Variants in GPR155 observed in about 807,000 individuals in gnomAD.
GPR155 encodes G protein-coupled receptor 155.
Under a neutral mutation model 93.1 loss-of-function variants are expected in GPR155, and 65 were observed. The ratio of observed to expected loss-of-function variants is 0.70; its 90% confidence interval spans 0.57 to 0.86. GPR155 has a LOEUF of 0.86. Among genes scored for constraint, GPR155 ranks in the 40% least tolerant of loss-of-function variants. GPR155 has a pLI of 0.00. For missense variants in GPR155, 838 were observed against 1,034.8 expected (o/e 0.81, Z 2.61); for synonymous variants, 319 against 360.1 (o/e 0.89, Z 1.29).
intron 13 of GPR155, among the ~76,000 whole-genome samples, chr2:174,444,118 C>T (rs1476741776): frequency 6.6e-6 from 1 of 151,914 alleles, no homozygotes; most frequent in Non-Finnish European, 1.5e-5. Flanking sequence ...AAATGATGTC[C>T]ACTAATTTAA....
In GPR155 at chr2:174,436,168, C is replaced by G; in HGVS notation, c.2561G>C (p.Arg854Thr). Residue 854 changes from arginine to threonine, a missense_variant, in exon 16 of 16, where the codon AGA (arginine) becomes ACA (threonine). Transcript: ENST00000392552. ...AINANTLQQE[R>T]YKEIEHSSPP... Reference sequence around the variant, plus strand: ...GGATGAATGCTCAATTTCTTTATATCTTTCCTGTTGGAGAGTGTTTGCATT... The same window carrying G: ...GGATGAATGCTCAATTTCTTTATATGTTTCCTGTTGGAGAGTGTTTGCATT... 2 of 1,614,024 alleles carry G rather than the reference C, an allele frequency of 1.2e-6. No individual in the cohort carries two copies. The highest frequency in any genetic ancestry group is 1.1e-5 in the South Asian group (1 of 91,070).
chr2:174,470,707 T>C (rs910112554), intron 3 of GPR155, 152 bp from the exon 4 acceptor site: 9 of 561,040 alleles, frequency 1.6e-5, no homozygotes, highest in African/African-American at 1.5e-4. Flanking sequence ...CCTGGGCACA[T>C]TTTGTTGAAA....
intron 11 of GPR155, among the ~76,000 whole-genome samples, chr2:174,452,010 G>A (rs1340550596): frequency 1.3e-5 from 2 of 152,080 alleles, no homozygotes; most frequent in African/African-American, 2.4e-5. Flanking sequence ...GATTTGGGGA[G>A]GGAAAAAGAA....
intron 7 of GPR155, among the ~76,000 whole-genome samples, chr2:174,465,363 T>G (rs1408867866): frequency 6.6e-6 from 1 of 152,212 alleles, no homozygotes; most frequent in East Asian, 1.9e-4. Context: ...ATGAGGAAAC[T>G]GAGGCTTCAA....
At chr2:174,485,020 G>A (rs901794618) in intron 1 of GPR155, among the ~76,000 whole-genome samples, 2 of 152,130 alleles carry the variant, frequency 1.3e-5, no homozygotes, top group Admixed American at 6.5e-5. Flanking sequence ...AGGAACTGTT[G>A]TCTTACTACT....
At chr2:174,450,914 A>AT (rs1687299154) in intron 11 of GPR155, among the ~76,000 whole-genome samples, 1 of 152,214 alleles carries the variant, frequency 6.6e-6, no homozygotes, top group Non-Finnish European at 1.5e-5. Flanking sequence ...GTAGGTTGCC[A>AT]AACTGTCTCT....
chr2:174,473,463 T>A, intron 2 of GPR155, 99 bp from the exon 3 acceptor site: 2 of 834,490 alleles, frequency 2.4e-6, no homozygotes, highest in Non-Finnish European at 3.6e-6. Context: ...ATGATAAATC[T>A]AAAATTTTCA....
rs1686725981 is a variant in GPR155, at chr2:174,434,758, A to G, written c.*1358T>C. On this transcript the variant is annotated 3_prime_UTR_variant, in exon 16 of 16. Transcript: ENST00000392552. ...GTAGCTGGGACTACAGGCATGCACT[A>G]CCACACCTGGGTATTCTTTTTTCTT... The G allele has an allele frequency of 1.3e-5, 2 of 150,940 alleles. No individual in the cohort carries two copies. Among genetic ancestry groups the G allele is most frequent in the African/African-American group, 4.9e-5 (2 of 41,010 alleles). The allele number at this position is 150,940 out of a possible 1,614,324, so 9.4% of individuals were successfully genotyped here.
intron 4 of GPR155, among the ~76,000 whole-genome samples, chr2:174,469,359 T>C (rs1687929500): frequency 6.6e-6 from 1 of 152,104 alleles, no homozygotes; most frequent in Non-Finnish European, 1.5e-5. Flanking sequence ...TTCTAGAAAA[T>C]AAACTGTAGC....
chr2:174,486,241 C>T (rs749422147), intron 1 of GPR155, among the ~76,000 whole-genome samples: 1 of 152,182 alleles, frequency 6.6e-6, no homozygotes. Flanking sequence ...TGAGCACTGC[C>T]TCCTTGCCTC....
At chr2:174,475,939 A>G (rs563119453) in intron 2 of GPR155, among the ~76,000 whole-genome samples, 8 of 152,312 alleles carry the variant, frequency 5.3e-5, no homozygotes, top group Non-Finnish European at 1.0e-4. Flanking sequence ...GATCTACTCA[A>G]AGCCCCTTAT....
chr2:174,473,439 T>A, intron 2 of GPR155, 75 bp from the exon 3 acceptor site: 4 of 988,650 alleles, frequency 4.0e-6, no homozygotes, highest in Non-Finnish European at 6.0e-6. Context: ...TAACATTTTC[T>A]GTACTTTATA....
chr2:174,461,353 C>A (rs1324633390), intron 9 of GPR155, 49 bp downstream of exon 9: 3 of 1,139,400 alleles, frequency 2.6e-6, no homozygotes, highest in Non-Finnish European at 4.0e-6. Flanking sequence ...ACATAACGAG[C>A]TAAAAAGAGA....
chr2:174,467,909 T>C (rs1687886759), intron 5 of GPR155, among the ~76,000 whole-genome samples: 4 of 152,140 alleles, frequency 2.6e-5, no homozygotes, highest in Admixed American at 2.6e-4. Flanking sequence ...ACTAATTTTA[T>C]ATTTTTAGTA....
intron 10 of GPR155, among the ~76,000 whole-genome samples, chr2:174,457,479 CAG>C (rs1438331066): frequency 6.6e-5 from 10 of 152,124 alleles, no homozygotes; most frequent in African/African-American, 1.9e-4. Context: ...TTTTTTGAGA[CAG>C]AGTCTTGCTC....
Position 174,470,478 on chromosome 2 carries a change from A to T in GPR155, c.938T>A (p.Leu313Ter), listed in dbSNP as rs1687962424. Residue 313 changes from leucine (L) to a stop codon, truncating the protein, a stop_gained, in exon 4 of 16, where the codon TTA becomes TAA. Transcript: ENST00000392552. LOFTEE classifies it high-confidence loss of function. ...KGDSVVNHTS[L>*]SNYAFLYGVF... ...ACCATACAGAAATGCATAATTTGAT[A>T]AACTTGTATGGTTCACCACACTGTC... is the stretch of plus-strand genomic sequence containing the variant. The T allele has an allele frequency of 6.2e-7, 1 of 1,613,788 alleles. No homozygotes were observed. Among genetic ancestry groups the T allele is most frequent in the African/African-American group, 1.3e-5 (1 of 74,934 alleles).
At chr2:174,469,876 A>T (rs1248807663) in intron 4 of GPR155, among the ~76,000 whole-genome samples, 2 of 152,192 alleles carry the variant, frequency 1.3e-5, no homozygotes, top group Non-Finnish European at 2.9e-5. Context: ...AAATTCTCAT[A>T]AAAAACAATG....
chr2:174,470,379 T>TA lies in GPR155; in HGVS notation c.1026+10dup. On this transcript the variant is annotated intron_variant, in intron 4 of 15. Transcript: ENST00000392552. ...ACACACCATCAAACTTAGAAAGTACTATATACATACAATTTCTACTTCCAT... is the reference window on the plus strand; with the variant it reads ...ACACACCATCAAACTTAGAAAGTACTAATATACATACAATTTCTACTTCCAT... 6.2e-7 allele frequency: 1 copy of TA among 1,604,102 alleles called. No homozygotes were observed.
chr2:174,476,301 A>G (rs1307768035), intron 2 of GPR155, among the ~76,000 whole-genome samples: 1 of 152,222 alleles, frequency 6.6e-6, no homozygotes, highest in Non-Finnish European at 1.5e-5. Context: ...CTGCCCACAG[A>G]AACAGCTACA....
Sources: gnomAD v4.1 joint callset for allele counts (sites outside exome capture counted in the v4.1 genomes callset) on GRCh38, gnomAD v4.1.1 for gene constraint, MANE v1.5 for transcripts, NCBI Gene and HGNC (gene_info 2026-07-23, HGNC 2026-07-21) for gene names.